HIVEP2: variants seen among roughly 807,000 people sequenced by gnomAD.
HIVEP2 encodes the protein HIVEP zinc finger 2.
In HIVEP2, 14 loss-of-function variants were observed where a neutral mutation model predicts 180.7. That is an observed-to-expected ratio of 0.08 (90% CI 0.05 to 0.12). The LOEUF (loss-of-function observed/expected upper bound fraction) is 0.12. Among genes scored for constraint, HIVEP2 ranks in the 10% least tolerant of loss-of-function variants. The probability of loss-of-function intolerance (pLI) is 1.00; values close to 1 mark genes in which losing one functional copy is unlikely to be tolerated. For synonymous variants in HIVEP2, 1,184 were observed against 1,136.4 expected (o/e 1.04, Z -0.84); for missense variants, 2,579 against 3,008.5 (o/e 0.86, Z 3.34).
At chr6:142,871,356 G>T (rs1054719692) in intron 1 of HIVEP2, among the ~76,000 whole-genome samples, 2 of 151,924 alleles carry the variant, frequency 1.3e-5, no homozygotes, top group African/African-American at 4.8e-5. Context: ...GAGTAACCAA[G>T]GAGAGAACTA....
At chr6:142,775,570 C>T (rs2114669395) in intron 4 of HIVEP2, among the ~76,000 whole-genome samples, 1 of 152,214 alleles carries the variant, frequency 6.6e-6, no homozygotes, top group African/African-American at 2.4e-5. Flanking sequence ...GGCATGGTGG[C>T]TCACGCCTGT....
chr6:142,886,864 C>A (rs1252155147), intron 1 of HIVEP2, among the ~76,000 whole-genome samples: 1 of 152,204 alleles, frequency 6.6e-6, no homozygotes, highest in Non-Finnish European at 1.5e-5. Context: ...AATGACATTT[C>A]TCTTCCTGTC....
chr6:142,778,294 T>C (rs181180242), intron 3 of HIVEP2, among the ~76,000 whole-genome samples: 3 of 152,270 alleles, frequency 2.0e-5, no homozygotes, highest in Admixed American at 2.0e-4. Flanking sequence ...CCAGGAACCA[T>C]GCTAACAAGA....
chr6:142,860,236 T>A (rs1246638083), intron 1 of HIVEP2, among the ~76,000 whole-genome samples: 3 of 152,230 alleles, frequency 2.0e-5, no homozygotes, highest in Admixed American at 6.5e-5. Context: ...GATAAAAACT[T>A]AAATGAACTC....
At chr6:142,797,875 G>A (rs1776316355) in intron 2 of HIVEP2, among the ~76,000 whole-genome samples, 1 of 151,876 alleles carries the variant, frequency 6.6e-6, no homozygotes, top group Admixed American at 6.6e-5. Context: ...TGGGGGTCTT[G>A]GAATATATCC....
chr6:142,823,112 G>A (rs1241717457), intron 2 of HIVEP2, among the ~76,000 whole-genome samples: 2 of 152,066 alleles, frequency 1.3e-5, no homozygotes, highest in Non-Finnish European at 2.9e-5. Flanking sequence ...TCCCCCTAGC[G>A]TCCTCAGGAA....
intron 1 of HIVEP2, among the ~76,000 whole-genome samples, chr6:142,849,079 T>C (rs1466048553): frequency 6.6e-6 from 1 of 152,250 alleles, no homozygotes; most frequent in African/African-American, 2.4e-5. Flanking sequence ...TCTGTTAACC[T>C]ATTCAACAAT....
intron 2 of HIVEP2, among the ~76,000 whole-genome samples, chr6:142,787,593 TG>T (rs1161353265): frequency 1.4e-5 from 2 of 144,210 alleles, no homozygotes; most frequent in African/African-American, 2.5e-5. Flanking sequence ...AGACTCTAAA[TG>T]GGCCCATTGT....
chr6:142,786,049 T>C (rs753593953), intron 2 of HIVEP2, among the ~76,000 whole-genome samples: 7 of 152,260 alleles, frequency 4.6e-5, no homozygotes, highest in Non-Finnish European at 8.8e-5. Context: ...ATTGTTCTTA[T>C]TGAAATGGAG....
intron 1 of HIVEP2, among the ~76,000 whole-genome samples, chr6:142,940,963 T>A (rs1778162892): frequency 6.6e-6 from 1 of 152,178 alleles, no homozygotes; most frequent in African/African-American, 2.4e-5. Context: ...CCAAAGCACT[T>A]TCTCAAATAG....
At chr6:142,936,098 C>T (rs556800997) in intron 1 of HIVEP2, among the ~76,000 whole-genome samples, 1 of 151,450 alleles carries the variant, frequency 6.6e-6, no homozygotes, top group Non-Finnish European at 1.5e-5. Context: ...GGTGACAGAC[C>T]GAGAACTTGT....
rs1190417977 is a variant in HIVEP2 at position 142,752,614 on chromosome 6, A to G, written c.*493T>C. 6.5e-6 allele frequency: 1 copy of G among 153,880 alleles called. No individual in the cohort carries two copies. Among genetic ancestry groups the G allele is most frequent in the African/African-American group, 2.4e-5 (1 of 41,472 alleles). The allele number at this position is 153,880 out of a possible 1,614,324, so 9.5% of individuals were successfully genotyped here. ...AGAAAAAATGTACAATTTATGAAAC[A>G]AAGTAAATAAATATTAGTATTACAG... On this transcript the variant is annotated 3_prime_UTR_variant, in exon 10 of 10. Coordinates refer to ENST00000367603, the MANE Select transcript of HIVEP2 (RefSeq NM_006734.4).
chr6:142,800,364 TCTAA>T (rs996350200), intron 2 of HIVEP2, among the ~76,000 whole-genome samples: 1 of 152,174 alleles, frequency 6.6e-6, no homozygotes, highest in African/African-American at 2.4e-5. Context: ...ATGGTGGGAC[TCTAA>T]CTGTCAGATG....
chr6:142,911,273 A>G (rs1267779050), intron 1 of HIVEP2, among the ~76,000 whole-genome samples: 5 of 152,210 alleles, frequency 3.3e-5, no homozygotes, highest in African/African-American at 1.2e-4. Flanking sequence ...TCAGAAAGGA[A>G]GAATTCTAAA....
chr6:142,913,198 T>C (rs1777458874), intron 1 of HIVEP2, among the ~76,000 whole-genome samples: 1 of 152,212 alleles, frequency 6.6e-6, no homozygotes, highest in Admixed American at 6.5e-5. Context: ...CATTTCTTAC[T>C]CATGCTGTTA....
intron 1 of HIVEP2, among the ~76,000 whole-genome samples, chr6:142,865,544 G>T (rs181603767): frequency 6.6e-6 from 1 of 152,002 alleles, no homozygotes; most frequent in Non-Finnish European, 1.5e-5. Flanking sequence ...AAATGCCTAC[G>T]AACGTACCAC....
At chr6:142,819,000 G>A (rs565576014) in intron 2 of HIVEP2, among the ~76,000 whole-genome samples, 31 of 146,036 alleles carry the variant, frequency 2.1e-4, no homozygotes, top group Non-Finnish European at 3.6e-4. Context: ...AGGAAAGGAG[G>A]GAGGGAGGGA....
At chr6:142,922,777 A>G (rs994006118) in intron 1 of HIVEP2, among the ~76,000 whole-genome samples, 8 of 152,186 alleles carry the variant, frequency 5.3e-5, no homozygotes, top group African/African-American at 1.7e-4. Flanking sequence ...CTGGCTCTCA[A>G]TAAGAATTAT....
intron 1 of HIVEP2, among the ~76,000 whole-genome samples, chr6:142,936,252 G>C (rs1778051261): frequency 6.6e-6 from 1 of 151,566 alleles, no homozygotes; most frequent in South Asian, 2.1e-4. Context: ...GAGTGCGGTG[G>C]GGCGATCTCG....
Sources: gnomAD v4.1 joint callset for allele counts (sites outside exome capture counted in the v4.1 genomes callset) on GRCh38, gnomAD v4.1.1 for gene constraint, MANE v1.5 for transcripts, NCBI Gene and HGNC (gene_info 2026-07-23, HGNC 2026-07-21) for gene names.